The following SCD5 variants were observed in gnomAD, a reference collection of about 807,000 sequenced individuals.
The protein encoded by SCD5 is acyl-CoA-desaturase 4.
In SCD5, 20 loss-of-function variants were observed where a neutral mutation model predicts 30.4. The ratio of observed to expected loss-of-function variants is 0.66; its 90% CI spans 0.46 to 0.96. SCD5 has a LOEUF of 0.96. Among genes scored for constraint, SCD5 ranks in the 40% least tolerant of loss-of-function variants. The pLI is 0.00. For synonymous variants in SCD5, 173 were observed against 176.4 expected, an observed-to-expected ratio of 0.98 and a Z score of 0.16; for missense variants, 381 against 443.3, an observed-to-expected ratio of 0.86 and a Z score of 1.26.
intron 1 of SCD5, among the ~76,000 whole-genome samples, chr4:82,706,223 CAG>C (rs1719965846): frequency 6.6e-6 from 1 of 152,006 alleles, no homozygotes; most frequent in South Asian, 2.1e-4. Context: ...AGCAAGTAGT[CAG>C]GGAACAAGTA....
intron 1 of SCD5, among the ~76,000 whole-genome samples, chr4:82,782,442 G>A (rs959777929): frequency 6.6e-6 from 1 of 152,076 alleles, no homozygotes; most frequent in Non-Finnish European, 1.5e-5. Context: ...TCCTTCCTGG[G>A]AAGCAGCTGC....
At chr4:82,648,303 C>A (rs1727672970) in intron 3 of SCD5, among the ~76,000 whole-genome samples, 1 of 152,226 alleles carries the variant, frequency 6.6e-6, no homozygotes. Flanking sequence ...TGAGAGGTGT[C>A]TCAGGCTCCA....
intron 2 of SCD5, among the ~76,000 whole-genome samples, chr4:82,703,419 T>C (rs1240274439): frequency 6.6e-6 from 1 of 152,204 alleles, no homozygotes; most frequent in Non-Finnish European, 1.5e-5. Flanking sequence ...CTTGGTACTT[T>C]TTATTCATTA....
intron 2 of SCD5, among the ~76,000 whole-genome samples, chr4:82,689,733 T>A (rs1728791198): frequency 6.6e-6 from 1 of 152,188 alleles, no homozygotes; most frequent in Non-Finnish European, 1.5e-5. Flanking sequence ...ATTAATTCAA[T>A]AATTACAAAA....
chr4:82,637,053 T>C (rs1403666654), intron 3 of SCD5, among the ~76,000 whole-genome samples: 3 of 152,192 alleles, frequency 2.0e-5, no homozygotes, highest in Non-Finnish European at 4.4e-5. Flanking sequence ...TAGAATGCTA[T>C]AGGAAGTGGT....
intron 1 of SCD5, among the ~76,000 whole-genome samples, chr4:82,755,571 G>A (rs1721217464): frequency 1.3e-5 from 2 of 152,138 alleles, no homozygotes; most frequent in Non-Finnish European, 2.9e-5. Flanking sequence ...GCATATTTCA[G>A]TAGTGGAACC....
intron 2 of SCD5, among the ~76,000 whole-genome samples, chr4:82,694,441 C>T (rs1192177551): frequency 6.6e-6 from 1 of 152,202 alleles, no homozygotes; most frequent in African/African-American, 2.4e-5. Flanking sequence ...GTTTCCACCT[C>T]CTGAGTTTTC....
At chr4:82,712,676 A>AGT (rs1720138011) in intron 1 of SCD5, among the ~76,000 whole-genome samples, 1 of 151,982 alleles carries the variant, frequency 6.6e-6, no homozygotes, top group South Asian at 2.1e-4. Flanking sequence ...AGAGTCCCTG[A>AGT]GTGTTTCTCT....
At position 82,746,925 on chromosome 4, in the gene SCD5, C is replaced by T. The variant is rs555872215; in HGVS notation, c.233-41512G>A. On this transcript the variant is annotated intron_variant, in intron 1 of 4. Coordinates refer to ENST00000319540, the MANE Select transcript of SCD5 (RefSeq NM_001037582.3). Reference sequence around the variant, plus strand: ...CCCCAATCCTGTTGCCATATAAACCCGAGACCTTAAGTGGACGCAGACACA... The same window carrying T: ...CCCCAATCCTGTTGCCATATAAACCTGAGACCTTAAGTGGACGCAGACACA... Among the ~76,000 whole-genome samples, 4 of 145,128 alleles carry T rather than the reference C, an allele frequency of 2.8e-5. No individual in the cohort carries two copies. In the South Asian group the frequency reaches 7.1e-4, roughly 26 times the overall value.
At chr4:82,788,396 T>C (rs1722028762) in intron 1 of SCD5, among the ~76,000 whole-genome samples, 1 of 152,170 alleles carries the variant, frequency 6.6e-6, no homozygotes. Context: ...TGAGACTTTT[T>C]TTAAAATCTT....
At chr4:82,633,622 T>G (rs572299611) in intron 4 of SCD5, among the ~76,000 whole-genome samples, 1 of 152,318 alleles carries the variant, frequency 6.6e-6, no homozygotes, top group African/African-American at 2.4e-5. Flanking sequence ...GGTTCCCTTT[T>G]TTCACATCCT....
chr4:82,732,561 G>T (rs966570138), intron 1 of SCD5, among the ~76,000 whole-genome samples: 4 of 152,226 alleles, frequency 2.6e-5, no homozygotes, highest in Admixed American at 6.5e-5. Context: ...CTGAAAGCAG[G>T]CGTCCTGTCC....
chr4:82,639,667 A>T (rs1727501915), intron 3 of SCD5, among the ~76,000 whole-genome samples: 1 of 152,158 alleles, frequency 6.6e-6, no homozygotes, highest in South Asian at 2.1e-4. Context: ...GCTGGTGGTG[A>T]GCATGTGAGG....
chr4:82,720,441 T>TACAAAAAAAAAAAAA lies in SCD5; in HGVS notation c.233-15029_233-15028insTTTTTTTTTTTTTGT, dbSNP rs778480466. ...GATGCTGTCTCAAAAAAGGCAAAAA[T>TACAAAAAAAAAAAAA]AAAAAAAAAAAAAAAAAAAAAAGAC... is the stretch of plus-strand genomic sequence containing the variant. On this transcript the variant is annotated intron_variant, in intron 1 of 4. Transcript: ENST00000319540. Among the ~76,000 whole-genome samples, 157 of 77,776 alleles carry TACAAAAAAAAAAAAA rather than the reference T, an allele frequency of 2.0e-3. 4 individuals carry two copies. The highest frequency in any genetic ancestry group is 3.5e-3 in the African/African-American group (66 of 18,658). 51.0% of individuals were successfully genotyped at this position (77,776 alleles called of 152,430 possible). A position where few individuals can be genotyped will look rare whatever the true frequency, so the allele number is the denominator to read the frequency against.
At chr4:82,682,838 C>T (rs1036086747) in intron 2 of SCD5, among the ~76,000 whole-genome samples, 2 of 151,972 alleles carry the variant, frequency 1.3e-5, no homozygotes, top group African/African-American at 2.4e-5. Context: ...CTTTTTGAGA[C>T]GGACTCTTGC....
intron 1 of SCD5, among the ~76,000 whole-genome samples, chr4:82,796,126 CG>C (rs1375955916): frequency 2.0e-5 from 3 of 151,842 alleles, no homozygotes; most frequent in Admixed American, 2.0e-4. Flanking sequence ...AAAAATTAGC[CG>C]GGCGTGGTGG....
chr4:82,716,214 C>T (rs1358863877), intron 1 of SCD5, among the ~76,000 whole-genome samples: 1 of 151,628 alleles, frequency 6.6e-6, no homozygotes, highest in Non-Finnish European at 1.5e-5. Context: ...ATTTACTAGG[C>T]ATGGGAATCA....
intron 1 of SCD5, among the ~76,000 whole-genome samples, chr4:82,792,265 A>G (rs1387395765): frequency 1.9e-5 from 2 of 105,452 alleles, no homozygotes; most frequent in Non-Finnish European, 4.1e-5. Flanking sequence ...CTCCATCTAG[A>G]AAAAAAAAAA....
intron 1 of SCD5, among the ~76,000 whole-genome samples, chr4:82,731,671 C>T (rs949759170): frequency 1.3e-5 from 2 of 152,186 alleles, no homozygotes; most frequent in Admixed American, 1.3e-4. Context: ...TCAGAGGCAG[C>T]GCAGTTCTTA....
Sources: gnomAD v4.1 joint callset for allele counts (sites outside exome capture counted in the v4.1 genomes callset) on GRCh38, gnomAD v4.1.1 for gene constraint, MANE v1.5 for transcripts, NCBI Gene and HGNC (gene_info 2026-07-23, HGNC 2026-07-21) for gene names.